Variants in FLNA observed in about 807,000 individuals in gnomAD.
FLNA encodes the protein filamin-A.
A neutral mutation model predicts 157.6 loss-of-function variants in FLNA; 7 were observed. The observed-to-expected ratio is 0.04, with a 90% CI of 0.03 to 0.08. The LOEUF (loss-of-function observed/expected upper bound fraction) is 0.08, where lower values mean the gene tolerates loss of function less well. Among genes scored for constraint, FLNA ranks in the 10% least tolerant of loss-of-function variants. The pLI, the probability that FLNA is intolerant of heterozygous loss-of-function variation, is 1.00. For synonymous variants in FLNA, 1,103 were observed against 1,060.8 expected, an observed-to-expected ratio of 1.04 and a Z score of -0.77; for missense variants, 1,750 against 2,398.4, an observed-to-expected ratio of 0.73 and a Z score of 5.65.
At chrX:154,361,935 G>A (rs781953532) in intron 19 of FLNA, 44 bp downstream of exon 19, 1 of 1,186,684 alleles carries the variant, frequency 8.4e-7, no homozygotes, top group African/African-American at 1.8e-5. Context: ...GCTGCTGCAT[G>A]AGGAGGCTGG....
At position 154,359,316 on chromosome X, in the gene FLNA, C is replaced by T. The variant is rs34439033; in HGVS notation, c.4233G>A (p.Ser1411=). 940 of 1,210,037 alleles carry T rather than the reference C, an allele frequency of 7.8e-4. 7 individuals are homozygous for T. In the African/African-American group the frequency reaches 9.4e-3, roughly 12 times the overall value. ...CAGCCTCATAAGGGATGTACTCGAC[C>T]GAGCAGCTGCCGTCCTTGTTATCCA... is the stretch of plus-strand genomic sequence containing the variant. ...SCMDNKDGSC[S]VEYIPYEAGT... is the part of the protein sequence containing the mutation. Residue 1411 remains serine (S), a synonymous_variant, in exon 25 of 48, where the codon TCG becomes TCA. Transcript: ENST00000369850.
chrX:154,364,804 T>C lies in FLNA; in HGVS notation c.1828+17A>G, dbSNP rs1557178789. ...ATCGTCTGTCCCCAGGTGCCCATGC[T>C]GCAGCCTCCAACTTACCCAGCGTGC... is the stretch of plus-strand genomic sequence containing the variant. On this transcript the variant is annotated intron_variant, in intron 12 of 47. Coordinates refer to ENST00000369850, the MANE Select transcript of FLNA (RefSeq NM_001110556.2). The C allele has an allele frequency of 2.5e-6, 3 of 1,210,413 alleles. No individual in the cohort carries two copies. Among genetic ancestry groups the C allele is most frequent in the Non-Finnish European group, 3.4e-6 (3 of 895,351 alleles).
chrX:154,356,194 A>G (rs2067661494), intron 30 of FLNA, among the ~76,000 whole-genome samples: 1 of 112,059 alleles, frequency 8.9e-6, no homozygotes, highest in African/African-American at 3.2e-5. Flanking sequence ...CTCCCAGCCA[A>G]CCGCAGGTCT....
chrX:154,367,274 G>T, intron 5 of FLNA, 123 bp downstream of exon 5: 1 of 733,771 alleles, frequency 1.4e-6, no homozygotes, highest in Non-Finnish European at 2.0e-6. Context: ...CTGACTCTTG[G>T]GTGGCTTGAT....
chrX:154,357,705 C>CGCT, intron 28 of FLNA, 82 bp from the exon 29 acceptor site: 1 of 895,668 alleles, frequency 1.1e-6, no homozygotes, highest in Non-Finnish European at 1.6e-6. Context: ...GAGTGCCCAG[C>CGCT]GCTGCTGCTA....
Position 154,350,998 on chromosome X carries a change from C to T in FLNA, c.7067G>A (p.Ser2356Asn), listed in dbSNP as rs782739586. The T allele has an allele frequency of 8.2e-5, 99 of 1,210,320 alleles. 2 individuals carry two copies. The South Asian group carries it at 1.3e-3, about 16-fold the overall frequency. Residue 2356 changes from serine (S) to asparagine (N), a missense_variant, in exon 44 of 48, where the codon AGC (serine) becomes AAC (asparagine). Transcript: ENST00000369850. ...GATCGCCCCCTTGGCCCCGTTCAGG[C>T]TGACTGCAAAAGAGGCTGGCTGGTT... is the stretch of plus-strand genomic sequence containing the variant. ...KVNQPASFAV[S>N]LNGAKGAIDA...
rs782679657 is a variant in FLNA, at chrX:154,360,025, C to G, written c.3770G>C (p.Gly1257Ala). 8.3e-7 allele frequency: 1 copy of G among 1,211,096 alleles called. No individual in the cohort carries two copies. The highest frequency in any genetic ancestry group is 1.8e-5 in the South Asian group (1 of 57,032). Residue 1257 changes from glycine (G) to alanine (A), a missense_variant, in exon 22 of 48, where the codon GGT becomes GCT. By Grantham distance (60) the Gly-to-Ala change is moderately conservative. Around this residue, in one of 5 missense-constraint regions of FLNA, gnomAD observed 970 missense variants for 1,302.6 expected, o/e 0.74. Coordinates refer to ENST00000369850, the MANE Select transcript of FLNA (RefSeq NM_001110556.2). ...AATACCAGGCCCATAGCACTGGACACCGGAAGTGTCCACCGCAGGTTCCAC... is the reference window on the plus strand; with the variant it reads ...AATACCAGGCCCATAGCACTGGACAGCGGAAGTGTCCACCGCAGGTTCCAC... ...LQVEPAVDTSGVQCYGPGIEG... is the reference protein window; with the variant it reads ...LQVEPAVDTSAVQCYGPGIEG...
At chrX:154,356,464 G>A (rs1160105654) in intron 30 of FLNA, among the ~76,000 whole-genome samples, 6 of 111,657 alleles carry the variant, frequency 5.4e-5, no homozygotes, top group Non-Finnish European at 9.4e-5. Context: ...CGGATCCTAC[G>A]GCCTGCTCTA....
At chrX:154,356,456 G>A in intron 30 of FLNA, among the ~76,000 whole-genome samples, 1 of 111,787 alleles carries the variant, frequency 8.9e-6, no homozygotes. Context: ...ACACACATCG[G>A]ATCCTACGGC....
rs782151307 is a variant in FLNA at position 154,368,076 on chromosome X, C to T, written c.388G>A (p.Val130Met). ...KLVSIDSKAIVDGNLKLILGL... is the reference protein window; with the variant it reads ...KLVSIDSKAIMDGNLKLILGL... ...AGGATCAGCTTCAGGTTCCCGTCCA[C>T]GATGGCCTTGCTGTCTGTGAGTAGA... Residue 130 changes from valine to methionine, a missense_variant, in exon 3 of 48, where the codon GTG becomes ATG. By Grantham distance (21) the Val-to-Met change is conservative (BLOSUM62 1). Around this residue, in one of 5 missense-constraint regions of FLNA, gnomAD observed 71 missense variants for 239.5 expected, o/e 0.30. Coordinates refer to ENST00000369850, the MANE Select transcript of FLNA (RefSeq NM_001110556.2). 8.3e-7 allele frequency: 1 copy of T among 1,210,472 alleles called. No homozygotes were observed. The highest frequency in any genetic ancestry group is 1.1e-6 in the Non-Finnish European group (1 of 894,829).
At chrX:154,357,347 C>G (rs1557177032) in intron 29 of FLNA, 73 bp from the exon 30 acceptor site, 2 of 1,189,374 alleles carry the variant, frequency 1.7e-6, no homozygotes, top group African/African-American at 3.5e-5. Flanking sequence ...CACTCCCACA[C>G]GCCGCCCCAA....
rs370755957 is a variant in FLNA, at chrX:154,370,329, T to TG, written c.373+543dup. ...GGCCCCCAGGTTGCCTGTGTGTGTG[T>TG]GGGGGGGTAGATCTAAACTGGTGGT... On this transcript the variant is annotated intron_variant, in intron 2 of 47. Coordinates refer to ENST00000369850, the MANE Select transcript of FLNA (RefSeq NM_001110556.2). Among the ~76,000 whole-genome samples, 648 of 111,392 alleles carry TG rather than the reference T, an allele frequency of 5.8e-3. 4 individuals carry two copies. The highest frequency in any genetic ancestry group is 0.02 in the African/African-American group (613 of 30,536).
At chrX:154,358,797 C>T (rs905734710) in intron 26 of FLNA, 187 bp downstream of exon 26, 8 of 596,647 alleles carry the variant, frequency 1.3e-5, no homozygotes, top group Middle Eastern at 1.0e-3. Context: ...GTGACCAGTC[C>T]CATCTGCTCT....
At position 154,354,139 on chromosome X, in the gene FLNA, G is replaced by C. The variant is rs1414920171; in HGVS notation, c.5557+12C>G. ...GGTGGCGGTGGAGTGGGCAGAGGCA[G>C]GGCAGGCCCACCTGGGATGTGCATG... On this transcript the variant is annotated intron_variant, in intron 34 of 47. Coordinates refer to ENST00000369850, the MANE Select transcript of FLNA (RefSeq NM_001110556.2). 4 of 1,210,786 alleles carry C rather than the reference G, an allele frequency of 3.3e-6. No individual in the cohort carries two copies. Among genetic ancestry groups the C allele is most frequent in the African/African-American group, 1.7e-5 (1 of 57,608 alleles).
Position 154,361,992 on chromosome X carries a change from G to A in FLNA, c.2813C>T (p.Thr938Met), listed in dbSNP as rs782180774. ...GGGTGTGGCTACCTGCTGGACAGGCGTGTACTTGACTGTGTAGGTGTTGTC... is the reference window on the plus strand; with the variant it reads ...GGGTGTGGCTACCTGCTGGACAGGCATGTACTTGACTGTGTAGGTGTTGTC... Reference protein sequence around the residue: ...HHDNTYTVKYTPVQQGPVGVN... With the variant: ...HHDNTYTVKYMPVQQGPVGVN... Residue 938 changes from threonine (T) to methionine (M), a missense_variant, in exon 19 of 48, where the codon ACG becomes ATG. By Grantham distance (81) the Thr-to-Met change is moderately conservative. Transcript: ENST00000369850. 4.6e-5 allele frequency: 55 copies of A among 1,208,368 alleles called. No individual in the cohort carries two copies. The highest frequency in any genetic ancestry group is 4.6e-4 in the Middle Eastern group (2 of 4,354).
intron 44 of FLNA, chrX:154,350,450 G>T: frequency 2.3e-6 from 1 of 434,396 alleles, no homozygotes; most frequent in South Asian, 3.4e-5. Flanking sequence ...CCCAGGCCTT[G>T]CTGCCTCCTA....
intron 15 of FLNA, 38 bp from the exon 16 acceptor site, chrX:154,362,822 C>T (rs2067723975): frequency 8.6e-7 from 1 of 1,168,759 alleles, no homozygotes; most frequent in East Asian, 3.1e-5. Context: ...GCATGAGCAG[C>T]CTGGAGGAGA....
intron 9 of FLNA, 97 bp downstream of exon 9, chrX:154,365,927 C>T (rs1441065568): frequency 6.9e-6 from 6 of 867,894 alleles, no homozygotes; most frequent in East Asian, 3.2e-5. Flanking sequence ...GTAGGGGCCC[C>T]GGGGCGGGCT....
At chrX:154,349,254 G>A (rs201634337) in intron 47 of FLNA, 108 bp downstream of exon 47, 2 of 898,148 alleles carry the variant, frequency 2.2e-6, no homozygotes, top group African/African-American at 3.8e-5. Context: ...GGCTCTAGAA[G>A]TGAAAGCCAC....
Sources: allele counts gnomAD v4.1 joint callset (sites outside exome capture counted in the v4.1 genomes callset), GRCh38; gene constraint gnomAD v4.1.1; regional missense constraint gnomAD v4.1.1; transcripts MANE v1.5; gene names NCBI Gene and HGNC (gene_info 2026-07-23, HGNC 2026-07-21).